MRTFA: variants seen among roughly 807,000 people sequenced by gnomAD.
The protein encoded by MRTFA is myocardin related transcription factor A.
In MRTFA, 20 loss-of-function variants were observed where a neutral mutation model predicts 83.5. That is an observed-to-expected ratio of 0.24 (90% CI 0.17 to 0.35). MRTFA has a LOEUF of 0.35. MRTFA is among the 10% of genes least tolerant of loss of function. The probability of loss-of-function intolerance (pLI) is 1.00; values close to 1 mark genes in which losing one functional copy is unlikely to be tolerated. For synonymous variants in MRTFA, 659 were observed against 541.2 expected (o/e 1.22, Z -3.02); for missense variants, 1,200 against 1,224.7 (o/e 0.98, Z 0.30).
intron 3 of MRTFA, among the ~76,000 whole-genome samples, chr22:40,507,091 TG>T (rs2054592279): frequency 1.3e-5 from 2 of 152,196 alleles, no homozygotes. Context: ...CCAGGCATGG[TG>T]GTTCAAACGT....
At chr22:40,464,307 A>AG (rs1415658956) in intron 3 of MRTFA, among the ~76,000 whole-genome samples, 2 of 107,986 alleles carry the variant, frequency 1.9e-5, no homozygotes, top group South Asian at 3.8e-4. Context: ...ATGCTGTCTC[A>AG]GGAAAAAAAA....
At chr22:40,515,693 T>C (rs181847481) in intron 3 of MRTFA, among the ~76,000 whole-genome samples, 3 of 152,146 alleles carry the variant, frequency 2.0e-5, no homozygotes, top group Non-Finnish European at 2.9e-5. Context: ...GCAGGTAAAG[T>C]TGAAGAGGTA....
chr22:40,436,842 T>C (rs969813522), intron 4 of MRTFA, among the ~76,000 whole-genome samples: 6 of 152,080 alleles, frequency 3.9e-5, no homozygotes, highest in Non-Finnish European at 8.8e-5. Context: ...CTGGCTGCGG[T>C]AGGAGTGCAG....
intron 3 of MRTFA, among the ~76,000 whole-genome samples, chr22:40,518,521 C>A (rs562254956): frequency 6.6e-6 from 1 of 151,708 alleles, no homozygotes; most frequent in African/African-American, 2.4e-5. Flanking sequence ...AGGCCAGGCA[C>A]GGTGGCTCAC....
At chr22:40,585,721 T>C (rs1278221431) in intron 2 of MRTFA, among the ~76,000 whole-genome samples, 2 of 152,118 alleles carry the variant, frequency 1.3e-5, no homozygotes, top group East Asian at 1.9e-4. Context: ...AGAATGCAAT[T>C]AGGAGGCTAC....
intron 14 of MRTFA, among the ~76,000 whole-genome samples, chr22:40,414,638 AGTCTACTTCT>A (rs777808057): frequency 3.9e-5 from 6 of 152,192 alleles, no homozygotes; most frequent in Non-Finnish European, 8.8e-5. Flanking sequence ...GGACAAACTG[AGTCTACTTCT>A]GTGAGGTCCC....
chr22:40,419,268 G>T lies in MRTFA; in HGVS notation c.1470C>A (p.Ala490=). 2 of 1,613,344 alleles carry T rather than the reference G, an allele frequency of 1.2e-6. No homozygotes were observed. Among genetic ancestry groups the T allele is most frequent in the Non-Finnish European group, 1.7e-6 (2 of 1,179,762 alleles). ...TAGAGGTGGCGGCAGGGGCCTTGGG[G>T]GCTCCTGGCACAGGGCTGATTTGGT... Residue 490 remains alanine (A), a synonymous_variant, in exon 12 of 15, where the codon GCC becomes GCA. Transcript: ENST00000355630.
chr22:40,429,411 G>A (rs1384033390), intron 7 of MRTFA, 195 bp downstream of exon 7: 1 of 714,116 alleles, frequency 1.4e-6, no homozygotes, highest in African/African-American at 1.8e-5. Context: ...GTTTCTTAAA[G>A]CAACAGGCAC....
At chr22:40,459,830 C>CATATATAGAT (rs1555973837) in intron 4 of MRTFA, among the ~76,000 whole-genome samples, 1 of 86,952 alleles carries the variant, frequency 1.2e-5, no homozygotes, top group South Asian at 5.2e-4. Context: ...CACATATATA[C>CATATATAGAT]ATATATATAT....
intron 2 of MRTFA, among the ~76,000 whole-genome samples, chr22:40,577,757 C>T (rs1382758680): frequency 6.6e-6 from 1 of 151,794 alleles, no homozygotes; most frequent in African/African-American, 2.4e-5. Flanking sequence ...CAGGCATACA[C>T]CACCATGCCC....
At chr22:40,596,396 ATATAC>A (rs2056192641) in intron 1 of MRTFA, among the ~76,000 whole-genome samples, 1 of 152,200 alleles carries the variant, frequency 6.6e-6, no homozygotes, top group Non-Finnish European at 1.5e-5. Context: ...ATATGGTTAC[ATATAC>A]CCTCAAACTG....
intron 4 of MRTFA, among the ~76,000 whole-genome samples, chr22:40,459,830 C>CAT (rs55885079): frequency 0.14 from 11,878 of 86,784 alleles, 934 homozygotes; most frequent in African/African-American, 0.17. Context: ...CACATATATA[C>CAT]ATATATATAT....
chr22:40,422,393 G>A (rs2052859841), intron 9 of MRTFA, among the ~76,000 whole-genome samples: 1 of 152,246 alleles, frequency 6.6e-6, no homozygotes, highest in African/African-American at 2.4e-5. Context: ...GTAGGCAAAG[G>A]AAGGCAACAG....
intron 4 of MRTFA, among the ~76,000 whole-genome samples, chr22:40,457,186 G>A (rs541036084): frequency 1.2e-4 from 19 of 152,184 alleles, no homozygotes; most frequent in African/African-American, 2.9e-4. Context: ...CCAACATGGC[G>A]AAACCACGTC....
At chr22:40,616,526 TAAG>T (rs1298610122) in intron 1 of MRTFA, among the ~76,000 whole-genome samples, 3 of 152,044 alleles carry the variant, frequency 2.0e-5, no homozygotes, top group South Asian at 2.1e-4. Flanking sequence ...GTGGCAGAGA[TAAG>T]AAGGTGACAA....
At chr22:40,472,803 C>T (rs973668017) in intron 3 of MRTFA, among the ~76,000 whole-genome samples, 1 of 152,146 alleles carries the variant, frequency 6.6e-6, no homozygotes, top group African/African-American at 2.4e-5. Context: ...CTGGAGGACA[C>T]AGGGCAACAG....
chr22:40,531,538 T>C (rs937193547), intron 3 of MRTFA, among the ~76,000 whole-genome samples: 1 of 152,158 alleles, frequency 6.6e-6, no homozygotes, highest in Non-Finnish European at 1.5e-5. Flanking sequence ...GGTAAAACTT[T>C]CCATCCTGAA....
intron 3 of MRTFA, among the ~76,000 whole-genome samples, chr22:40,473,280 C>T (rs2053944591): frequency 6.6e-6 from 1 of 152,114 alleles, no homozygotes; most frequent in Admixed American, 6.6e-5. Context: ...CCACCTCAGC[C>T]GCCTGAGTAG....
intron 3 of MRTFA, among the ~76,000 whole-genome samples, chr22:40,480,723 T>A (rs868423221): frequency 6.5e-4 from 97 of 150,070 alleles, no homozygotes; most frequent in Middle Eastern, 3.5e-3. Flanking sequence ...GGTGGGAGGA[T>A]CACGCCCAGG....
Sources: gnomAD v4.1 joint callset for allele counts (sites outside exome capture counted in the v4.1 genomes callset) on GRCh38, gnomAD v4.1.1 for gene constraint, MANE v1.5 for transcripts, NCBI Gene and HGNC (gene_info 2026-07-23, HGNC 2026-07-21) for gene names.